The following HIF1AN variants were observed in gnomAD, a reference collection of about 807,000 sequenced individuals.
HIF1AN encodes the protein hypoxia-inducible factor 1-alpha inhibitor.
HIF1AN carries 21 observed loss-of-function variants against 47.7 expected under a neutral mutation model. The observed-to-expected ratio is 0.44, with a 90% CI of 0.31 to 0.63. The LOEUF (loss-of-function observed/expected upper bound fraction) is 0.63. Among genes scored for constraint, HIF1AN ranks in the 30% least tolerant of loss-of-function variants. The pLI, the probability that HIF1AN is intolerant of heterozygous loss-of-function variation, is 0.07. For synonymous variants in HIF1AN, 152 were observed against 155.9 expected (o/e 0.98, Z 0.18); for missense variants, 320 against 432.7 (o/e 0.74, Z 2.31).
intron 4 of HIF1AN, chr10:100,545,325 C>T: frequency 2.2e-6 from 1 of 463,530 alleles, no homozygotes; most frequent in East Asian, 3.2e-5. Context: ...ATTCTCAGGA[C>T]AGACACTGTC....
Position 100,552,605 on chromosome 10 carries a change from T to G in HIF1AN, c.*4468T>G, listed in dbSNP as rs1843174624. 6.6e-6 allele frequency: 1 copy of G among 152,392 alleles called. No homozygotes were observed. The highest frequency in any genetic ancestry group is 1.9e-4 in the East Asian group (1 of 5,178). 9.4% of individuals were successfully genotyped at this position (152,392 alleles called of 1,614,324 possible). ...CCTCCCTCTCCAGAGCTGCCTGCAG[T>G]TTCCCTTATTCAGCTGTCTCCTGCC... On this transcript the variant is annotated 3_prime_UTR_variant, in exon 8 of 8. Coordinates refer to ENST00000299163, the MANE Select transcript of HIF1AN (RefSeq NM_017902.3).
intron 2 of HIF1AN, among the ~76,000 whole-genome samples, chr10:100,537,310 G>C (rs1201227633): frequency 6.6e-6 from 1 of 152,134 alleles, no homozygotes; most frequent in African/African-American, 2.4e-5. Context: ...AAAATCTTTT[G>C]ACTTTAAATG....
chr10:100,541,020 C>G (rs146379354), intron 3 of HIF1AN, among the ~76,000 whole-genome samples: 246 of 152,024 alleles, frequency 1.6e-3, no homozygotes, highest in African/African-American at 5.5e-3. Context: ...GGAGACCATC[C>G]CGGCCAACAT....
At chr10:100,546,315 A>G (rs1304270974) in intron 5 of HIF1AN, among the ~76,000 whole-genome samples, 3 of 152,004 alleles carry the variant, frequency 2.0e-5, no homozygotes, top group Non-Finnish European at 4.4e-5. Flanking sequence ...GCTCTTTGGT[A>G]TTTCGAGACT....
Position 100,536,140 on chromosome 10 carries a change from G to A in HIF1AN, c.177+5G>A. 1 of 1,587,064 alleles carries A rather than the reference G, an allele frequency of 6.3e-7. No homozygotes were observed. Among genetic ancestry groups the A allele is most frequent in the Non-Finnish European group, 8.6e-7 (1 of 1,166,200 alleles). On this transcript the variant is annotated splice_donor_5th_base_variant and intron_variant, in intron 1 of 7. Coordinates refer to ENST00000299163, the MANE Select transcript of HIF1AN (RefSeq NM_017902.3). ...GAGGAGCTTATTGAGAATGAGGTGG[G>A]GGGCGGGGCCGCGTCTAAAGGGAGA...
At chr10:100,540,146 C>T (rs979814393) in intron 2 of HIF1AN, among the ~76,000 whole-genome samples, 3 of 151,056 alleles carry the variant, frequency 2.0e-5, no homozygotes, top group Non-Finnish European at 4.4e-5. Flanking sequence ...GTAGCTGGGA[C>T]TTCTTCTCCA....
intron 3 of HIF1AN, among the ~76,000 whole-genome samples, chr10:100,544,390 A>G (rs550681425): frequency 1.3e-5 from 2 of 152,352 alleles, no homozygotes; most frequent in East Asian, 1.9e-4. Flanking sequence ...CAGCCTGGGC[A>G]ACGTGGTGAA....
chr10:100,540,639 A>G lies in HIF1AN; in HGVS notation c.434A>G (p.Tyr145Cys). Reference protein sequence around the residue: ...IQQRGGEERLYLQQTLNDTVG... With the variant: ...IQQRGGEERLCLQQTLNDTVG... ...TTTCTTCTTGGGGAACATAGGTTGT[A>G]TCTGCAGCAAACGCTCAATGACACT... The change falls in exon 3 of 8, where the codon TAT becomes TGT. Residue 145 changes from tyrosine (Y) to cysteine (C), a missense_variant. Physicochemically the swap from Tyr to Cys is radical, Grantham distance 194. Transcript: ENST00000299163. 11 of 1,613,844 alleles carry G rather than the reference A, an allele frequency of 6.8e-6. No individual in the cohort carries two copies. Among genetic ancestry groups the G allele is most frequent in the Non-Finnish European group, 9.3e-6 (11 of 1,179,916 alleles).
In HIF1AN at chr10:100,538,790, C is replaced by T. The variant is rs183770977; in HGVS notation, c.429-1844C>T. Among the ~76,000 whole-genome samples the T allele has an allele frequency of 8.0e-3, 1,107 of 138,686 alleles. 14 individuals are homozygous for T. The highest frequency in any genetic ancestry group is 0.027 in the African/African-American group (984 of 36,720). The allele number at this position is 138,686 out of a possible 152,430, so 91.0% of individuals were successfully genotyped here. ...GAGCCAAGATTGCGCCACTGCACTC[C>T]AGCCTGGGTGACAGTGAGACTCCGT... On this transcript the variant is annotated intron_variant, in intron 2 of 7. Coordinates refer to ENST00000299163, the MANE Select transcript of HIF1AN (RefSeq NM_017902.3).
chr10:100,546,446 C>T, intron 5 of HIF1AN, 72 bp from the exon 6 acceptor site: 1 of 839,266 alleles, frequency 1.2e-6, no homozygotes, highest in Admixed American at 2.0e-5. Context: ...CCCTGCCACC[C>T]CCCCGCACTT....
At chr10:100,538,449 G>A (rs1852255556) in intron 2 of HIF1AN, among the ~76,000 whole-genome samples, 1 of 152,120 alleles carries the variant, frequency 6.6e-6, no homozygotes, top group African/African-American at 2.4e-5. Flanking sequence ...TTTTTTGGGT[G>A]AATATATAAT....
In HIF1AN at chr10:100,551,510, A is replaced by G. The variant is rs1243389030; in HGVS notation, c.*3373A>G. On this transcript the variant is annotated 3_prime_UTR_variant, in exon 8 of 8. Coordinates refer to ENST00000299163, the MANE Select transcript of HIF1AN (RefSeq NM_017902.3). ...GCAGAGCTTGTATTTCTTAACAAAG[A>G]TTAGGGACCCAGTTGCCAGCCTGAG... The G allele has an allele frequency of 1.3e-5, 2 of 152,198 alleles. No homozygotes were observed. Among genetic ancestry groups the G allele is most frequent in the Non-Finnish European group, 2.9e-5 (2 of 68,040 alleles). 9.4% of individuals were successfully genotyped at this position (152,198 alleles called of 1,614,324 possible).
rs11190613 is a variant in HIF1AN, at chr10:100,554,240, T to C, written c.*6103T>C. ...CGTGGAGCCGAATGAGTCCTTATTATACCTGGAGAAGCTGTTGTCTCCTCA... is the reference window on the plus strand; with the variant it reads ...CGTGGAGCCGAATGAGTCCTTATTACACCTGGAGAAGCTGTTGTCTCCTCA... On this transcript the variant is annotated 3_prime_UTR_variant, in exon 8 of 8. Transcript: ENST00000299163. 33,391 of 152,114 alleles carry C rather than the reference T, an allele frequency of 0.22. 3,813 individuals are homozygous for C. The highest frequency in any genetic ancestry group is 0.26 in the African/African-American group (10,752 of 41,454). 9.4% of individuals were successfully genotyped at this position (152,114 alleles called of 1,614,324 possible).
In HIF1AN at chr10:100,554,299, C is replaced by T. The variant is rs1470671397; in HGVS notation, c.*6162C>T. 1 of 152,026 alleles carries T rather than the reference C, an allele frequency of 6.6e-6. No individual in the cohort carries two copies. The highest frequency in any genetic ancestry group is 1.5e-5 in the Non-Finnish European group (1 of 68,028). 9.4% of individuals were successfully genotyped at this position (152,026 alleles called of 1,614,324 possible). A position where few individuals can be genotyped will look rare whatever the true frequency, so the allele number is the denominator to read the frequency against. ...AATGTAATAGCAGTCAAATCAGGCC[C>T]CTCTTGATTCAATTTTAGTCCATGC... On this transcript the variant is annotated 3_prime_UTR_variant, in exon 8 of 8. Coordinates refer to ENST00000299163, the MANE Select transcript of HIF1AN (RefSeq NM_017902.3).
At chr10:100,540,512 C>A in intron 2 of HIF1AN, 122 bp from the exon 3 acceptor site, 1 of 1,092,144 alleles carries the variant, frequency 9.2e-7, no homozygotes, top group Non-Finnish European at 1.3e-6. Flanking sequence ...ATTTGCCTGA[C>A]TACATCTGTT....
intron 3 of HIF1AN, among the ~76,000 whole-genome samples, chr10:100,542,760 T>G (rs1383940502): frequency 1.3e-5 from 2 of 152,122 alleles, no homozygotes; most frequent in Non-Finnish European, 2.9e-5. Flanking sequence ...GCCTCCCAAT[T>G]TCCTCCCTGG....
chr10:100,559,889 T>C lies in HIF1AN; in HGVS notation c.*11752T>C, dbSNP rs1430146157. ...CACGTAACTAGCAGCCGTTAAAAGA[T>C]GGCCACCGCTAGTCCAGTCGGCCAC... On this transcript the variant is annotated 3_prime_UTR_variant, in exon 8 of 8. Coordinates refer to ENST00000299163, the MANE Select transcript of HIF1AN (RefSeq NM_017902.3). 1 of 152,230 alleles carries C rather than the reference T, an allele frequency of 6.6e-6. No individual in the cohort carries two copies. The highest frequency in any genetic ancestry group is 1.9e-4 in the East Asian group (1 of 5,196). 9.4% of individuals were successfully genotyped at this position (152,230 alleles called of 1,614,324 possible). A position where few individuals can be genotyped will look rare whatever the true frequency, so the allele number is the denominator to read the frequency against.
chr10:100,540,453 A>T (rs999839934), intron 2 of HIF1AN, among the ~76,000 whole-genome samples, 181 bp from the exon 3 acceptor site: 1 of 152,180 alleles, frequency 6.6e-6, no homozygotes, highest in East Asian at 1.9e-4. Context: ...ACATAACTCA[A>T]TGAAGGATAA....
chr10:100,546,440 G>GCCCCCCCCCCCCCCCCCCCCCCC, intron 5 of HIF1AN, 78 bp from the exon 6 acceptor site: 1 of 750,772 alleles, frequency 1.3e-6, no homozygotes, highest in East Asian at 2.7e-5. Context: ...GCCCAACCCT[G>GCCCCCCCCCCCCCCCCCCCCCCC]CCACCCCCCC....
Sources: allele counts gnomAD v4.1 joint callset (sites outside exome capture counted in the v4.1 genomes callset), GRCh38; gene constraint gnomAD v4.1.1; transcripts MANE v1.5; gene names NCBI Gene and HGNC (gene_info 2026-07-23, HGNC 2026-07-21).